The following UGGT1 variants were observed in gnomAD, a reference collection of about 807,000 sequenced individuals.
UGGT1 encodes the protein UDP-glucose:glycoprotein glucosyltransferase 1.
A neutral mutation model predicts 203.9 loss-of-function variants in UGGT1; 107 were observed. That is an observed-to-expected ratio of 0.52 (90% CI 0.45 to 0.62). The LOEUF (loss-of-function observed/expected upper bound fraction) is 0.62, where lower values mean the gene tolerates loss of function less well. Ranked by LOEUF, UGGT1 falls within the 20% of genes least tolerant of loss-of-function variation. UGGT1 has a pLI of 0.00. For missense variants in UGGT1, 1,673 were observed against 1,867.2 expected (o/e 0.90, Z 1.92); for synonymous variants, 628 against 653.5 (o/e 0.96, Z 0.59).
intron 2 of UGGT1, among the ~76,000 whole-genome samples, chr2:128,101,153 A>G (rs772642344): frequency 1.3e-5 from 2 of 152,218 alleles, no homozygotes; most frequent in Non-Finnish European, 2.9e-5. Context: ...GAAATGAGCT[A>G]TGCTTATTAG....
chr2:128,093,032 A>T (rs1686941643), intron 1 of UGGT1, among the ~76,000 whole-genome samples: 1 of 152,174 alleles, frequency 6.6e-6, no homozygotes, highest in African/African-American at 2.4e-5. Flanking sequence ...AGCAGAGACC[A>T]CTTCAGTGAG....
At chr2:128,115,315 C>CAAACACAGGT in intron 7 of UGGT1, 95 bp downstream of exon 7, 3 of 1,126,626 alleles carry the variant, frequency 2.7e-6, no homozygotes, top group Non-Finnish European at 3.9e-6. Context: ...TAGGTGTATG[C>CAAACACAGGT]TGAACCTGTG....
intron 13 of UGGT1, among the ~76,000 whole-genome samples, chr2:128,130,801 T>C (rs1688842667): frequency 6.6e-6 from 1 of 152,196 alleles, no homozygotes; most frequent in African/African-American, 2.4e-5. Flanking sequence ...TTCTTTCTTT[T>C]GTTTTTTTAG....
intron 6 of UGGT1, among the ~76,000 whole-genome samples, chr2:128,113,594 G>C (rs1178077343): frequency 6.6e-6 from 1 of 151,754 alleles, no homozygotes; most frequent in African/African-American, 2.4e-5. Context: ...TTTTTCTTCT[G>C]TTTTCTCTTT....
At chr2:128,182,733 C>A (rs1195649863) in intron 37 of UGGT1, among the ~76,000 whole-genome samples, 2 of 144,230 alleles carry the variant, frequency 1.4e-5, no homozygotes, top group Non-Finnish European at 3.1e-5. Flanking sequence ...AAAAAAACTT[C>A]CTAATCCTGT....
At chr2:128,155,950 A>G (rs1291576283) in intron 20 of UGGT1, among the ~76,000 whole-genome samples, 1 of 152,212 alleles carries the variant, frequency 6.6e-6, no homozygotes, top group Non-Finnish European at 1.5e-5. Flanking sequence ...GGGGTTTATA[A>G]GATAAAGTTG....
chr2:128,178,155 GC>G (rs1691493062), intron 33 of UGGT1, among the ~76,000 whole-genome samples: 1 of 152,192 alleles, frequency 6.6e-6, no homozygotes, highest in African/African-American at 2.4e-5. Flanking sequence ...GACTCTCATT[GC>G]CTGTACCTGC....
chr2:128,138,815 A>G lies in UGGT1; in HGVS notation c.1682A>G (p.Glu561Gly), dbSNP rs1467510312. 1 of 1,614,160 alleles carries G rather than the reference A, an allele frequency of 6.2e-7. No individual in the cohort carries two copies. Among genetic ancestry groups the G allele is most frequent in the African/African-American group, 1.3e-5 (1 of 75,046 alleles). ...VLRAYNYVAQ[E>G]VDDYHAFQTL... is the part of the protein sequence containing the mutation. Reference sequence around the variant, plus strand: ...AGAGCATATAATTATGTTGCCCAAGAAGTGGATGATTATCATGCCTTCCAG... The same window carrying G: ...AGAGCATATAATTATGTTGCCCAAGGAGTGGATGATTATCATGCCTTCCAG... The change falls in exon 16 of 41, where the codon GAA (glutamate) becomes GGA (glycine). Residue 561 changes from glutamate (E) to glycine (G), a missense_variant. Glu to Gly is a moderately conservative substitution (Grantham distance 98, BLOSUM62 -2). Transcript: ENST00000259253.
At chr2:128,173,751 G>T in intron 29 of UGGT1, 30 bp from the exon 30 acceptor site, 2 of 1,610,892 alleles carry the variant, frequency 1.2e-6, no homozygotes, top group South Asian at 1.1e-5. Context: ...GTCTCTGAGT[G>T]CATTCAAGTG....
At chr2:128,173,324 G>A (rs1267657447) in intron 29 of UGGT1, among the ~76,000 whole-genome samples, 1 of 152,186 alleles carries the variant, frequency 6.6e-6, no homozygotes, top group Non-Finnish European at 1.5e-5. Flanking sequence ...TATGAATAAT[G>A]CTGCTATGAA....
rs911366623 is a variant in UGGT1, at chr2:128,091,604, T to G, written c.58+189T>G. 6.3e-6 allele frequency: 9 copies of G among 1,435,830 alleles called. No homozygotes were observed. The Admixed American group carries it at 2.7e-4, about 42-fold the overall frequency. The allele number at this position is 1,435,830 out of a possible 1,614,324, so 88.9% of individuals were successfully genotyped here. ...AGTGGTCTTCTTGGCAAGGTATCGC[T>G]TCCGCGGGGGTGGCGGCGGGCTCTG... On this transcript the variant is annotated intron_variant, in intron 1 of 40. Transcript: ENST00000259253.
At chr2:128,173,709 T>G in intron 29 of UGGT1, 72 bp from the exon 30 acceptor site, 1 of 1,539,976 alleles carries the variant, frequency 6.5e-7, no homozygotes, top group Non-Finnish European at 8.9e-7. Context: ...CTTCCTTTAC[T>G]TTGCATAATG....
chr2:128,176,723 T>G, intron 31 of UGGT1, 91 bp from the exon 32 acceptor site: 4 of 1,222,432 alleles, frequency 3.3e-6, no homozygotes, highest in African/African-American at 1.5e-5. Flanking sequence ...AACTCCTTTA[T>G]GAGAAGGATG....
Position 128,187,507 on chromosome 2 carries a change from A to G in UGGT1, c.4535A>G (p.Glu1512Gly). ...GAAGCAGCTGTGCGGATTGTCCCGG[A>G]GTGGCAGGACTACGACCAAGAGATC... ...KLEAAVRIVP[E>G]WQDYDQEIKQ... Residue 1512 changes from glutamate to glycine, a missense_variant, in exon 40 of 41, where the codon GAG becomes GGG. Physicochemically the swap from Glu to Gly is moderately conservative, Grantham distance 98. Coordinates refer to ENST00000259253, the MANE Select transcript of UGGT1 (RefSeq NM_020120.4). The G allele has an allele frequency of 6.2e-7, 1 of 1,614,198 alleles. No individual in the cohort carries two copies. Among genetic ancestry groups the G allele is most frequent in the Non-Finnish European group, 8.5e-7 (1 of 1,180,034 alleles).
intron 4 of UGGT1, among the ~76,000 whole-genome samples, chr2:128,109,346 G>A (rs1687745136): frequency 2.6e-5 from 4 of 152,156 alleles, no homozygotes; most frequent in Non-Finnish European, 5.9e-5. Flanking sequence ...TGGGACTACA[G>A]GCGTATGCCA....
chr2:128,185,470 T>C (rs1339897204), intron 38 of UGGT1, among the ~76,000 whole-genome samples: 5 of 99,304 alleles, frequency 5.0e-5, no homozygotes. Flanking sequence ...GTGCCCGGCC[T>C]TTTTTTTTTT....
At chr2:128,156,156 C>T (rs1289544237) in intron 20 of UGGT1, among the ~76,000 whole-genome samples, 1 of 152,128 alleles carries the variant, frequency 6.6e-6, no homozygotes, top group Non-Finnish European at 1.5e-5. Context: ...GTGGTCTCTC[C>T]CCAAGAGAAG....
chr2:128,137,267 A>G (rs1689169282), intron 15 of UGGT1, among the ~76,000 whole-genome samples: 3 of 152,202 alleles, frequency 2.0e-5, no homozygotes, highest in Admixed American at 2.0e-4. Context: ...GAACTAAAAA[A>G]GAGTAGCCAG....
In UGGT1 at chr2:128,183,718, G is replaced by T; in HGVS notation, c.4288G>T (p.Ala1430Ser). The change falls in exon 38 of 41, where the codon GCT becomes TCT. Residue 1430 changes from alanine (A) to serine (S), a missense_variant. Ala to Ser is a moderately conservative substitution (Grantham distance 99). This residue lies in a region of UGGT1 where 513 missense variants were observed against 684.1 expected (regional missense o/e 0.75). Transcript: ENST00000259253. ...TCTGAAGAAGTTTAGGAAAATAGCT[G>T]CTGGTGACAGACTCAGGGGACAGTA... ...VDLKKFRKIA[A>S]GDRLRGQYQG... 6.2e-7 allele frequency: 1 copy of T among 1,614,094 alleles called. No individual in the cohort carries two copies. Among genetic ancestry groups the T allele is most frequent in the Non-Finnish European group, 8.5e-7 (1 of 1,179,972 alleles).
Sources: gnomAD v4.1 joint callset for allele counts (sites outside exome capture counted in the v4.1 genomes callset) on GRCh38, gnomAD v4.1.1 for gene constraint, gnomAD v4.1.1 regional missense constraint, MANE v1.5 for transcripts, NCBI Gene and HGNC (gene_info 2026-07-23, HGNC 2026-07-21) for gene names.